AKNAD1: variants seen among roughly 807,000 people sequenced by gnomAD.
AKNAD1 encodes the protein AKNA domain containing 1.
AKNAD1 carries 67 observed loss-of-function variants against 90.8 expected under a neutral mutation model. The ratio of observed to expected loss-of-function variants is 0.74; its 90% CI spans 0.61 to 0.90. The LOEUF is 0.90. Ranked by LOEUF, AKNAD1 falls within the 40% of genes least tolerant of loss-of-function variation. The pLI, the probability that AKNAD1 is intolerant of heterozygous loss-of-function variation, is 0.00. For missense variants in AKNAD1, 957 were observed against 975.4 expected (o/e 0.98, Z 0.25); for synonymous variants, 327 against 341.4 (o/e 0.96, Z 0.46).
At chr1:108,848,861 T>C (rs572569058) in intron 4 of AKNAD1, 47 bp from the exon 5 acceptor site, 2 of 1,602,028 alleles carry the variant, frequency 1.2e-6, no homozygotes, top group Admixed American at 3.5e-5. Context: ...TGGTTTCTCA[T>C]GTGTGAATTT....
At position 108,843,178 on chromosome 1, in the gene AKNAD1, G is replaced by A. The variant is rs1206303450; in HGVS notation, c.1335C>T (p.Val445=). 1.9e-6 allele frequency: 3 copies of A among 1,614,008 alleles called. No homozygotes were observed. The highest frequency in any genetic ancestry group is 1.7e-6 in the Non-Finnish European group (2 of 1,180,024). Residue 445 remains valine (V), a synonymous_variant, in exon 6 of 16, where the codon GTC becomes GTT. Transcript: ENST00000370001. ...KDKHLTLQQQ[V]HKHESTIVGD... ...CAACGATTGTTGATTCGTGCTTGTG[G>A]ACTTGCTGCTGCAAAGTCAGATGCT...
chr1:108,826,095 C>A (rs1663988689), intron 11 of AKNAD1, among the ~76,000 whole-genome samples: 1 of 151,708 alleles, frequency 6.6e-6, no homozygotes, highest in South Asian at 2.1e-4. Flanking sequence ...ACCTGGAAAA[C>A]TCCTACTTTG....
chr1:108,829,326 T>G (rs1664109473), intron 10 of AKNAD1, among the ~76,000 whole-genome samples: 1 of 146,146 alleles, frequency 6.8e-6, no homozygotes, highest in South Asian at 2.3e-4. Context: ...TCTTGGTACT[T>G]AATGTACTTC....
chr1:108,830,359 T>G (rs970273174), intron 10 of AKNAD1, among the ~76,000 whole-genome samples, 200 bp downstream of exon 10: 1 of 152,134 alleles, frequency 6.6e-6, no homozygotes, highest in African/African-American at 2.4e-5. Flanking sequence ...CATGGTGATT[T>G]TGATGGTCTC....
At chr1:108,839,304 T>C (rs111499993) in intron 6 of AKNAD1, among the ~76,000 whole-genome samples, 7,422 of 151,966 alleles carry the variant, frequency 0.049, 540 homozygotes, top group African/African-American at 0.16. Flanking sequence ...GCTAACATGG[T>C]GAAACCCCGT....
intron 6 of AKNAD1, among the ~76,000 whole-genome samples, chr1:108,838,702 AAAT>A (rs1664451749): frequency 6.6e-6 from 1 of 152,184 alleles, no homozygotes; most frequent in South Asian, 2.1e-4. Context: ...TCTGAAAAAC[AAAT>A]AACATTAAGA....
At chr1:108,819,309 T>C (rs747766437) in intron 14 of AKNAD1, among the ~76,000 whole-genome samples, 6 of 152,050 alleles carry the variant, frequency 3.9e-5, no homozygotes, top group Non-Finnish European at 4.4e-5. Context: ...AATTTTTAAA[T>C]TCCCTGATTA....
intron 6 of AKNAD1, among the ~76,000 whole-genome samples, chr1:108,842,573 G>A (rs779695916): frequency 6.6e-6 from 1 of 152,116 alleles, no homozygotes; most frequent in Non-Finnish European, 1.5e-5. Context: ...AGGATTTGTA[G>A]GTCCCTCACC....
At chr1:108,853,397 C>T (rs1306598610) in intron 1 of AKNAD1, among the ~76,000 whole-genome samples, 37 of 151,764 alleles carry the variant, frequency 2.4e-4, no homozygotes, top group Non-Finnish European at 2.9e-5. Context: ...TCCCAAAGTG[C>T]TGGGATTACA....
intron 2 of AKNAD1, among the ~76,000 whole-genome samples, chr1:108,849,839 G>A (rs191053093): frequency 3.9e-5 from 6 of 152,286 alleles, no homozygotes; most frequent in Admixed American, 2.0e-4. Context: ...TTGTTATGAG[G>A]ATGAAATGTT....
Position 108,827,293 on chromosome 1 carries a change from G to T in AKNAD1, c.1848C>A (p.Asn616Lys), listed in dbSNP as rs7551421. The T allele has an allele frequency of 0.59, 950,020 of 1,606,254 alleles. 292,020 individuals carry two copies. The highest frequency in any genetic ancestry group is 0.64 in the African/African-American group (47,823 of 74,732). ...FCRRLLEWKQ[N>K]VEKKGHGRIN... ...TCCTTCCGTGGCCCTTTTTCTCCAC[G>T]TTTTGCTTCCTAAAAAAAGGTGCAT... Residue 616 changes from asparagine to lysine, a missense_variant, in exon 11 of 16, where the codon AAC (asparagine) becomes AAA (lysine). Asn to Lys is a moderately conservative substitution (Grantham distance 94). Transcript: ENST00000370001.
rs186677995 is a variant in AKNAD1, at chr1:108,851,012, T to C, written c.993+660A>G. ...TCCATTACTAACGATCTTAATTCCA[T>C]TGGACTTAGCATGAATAACTAAGGG... On this transcript the variant is annotated intron_variant, in intron 2 of 15. Transcript: ENST00000370001. Among the ~76,000 whole-genome samples, 11 of 152,300 alleles carry C rather than the reference T, an allele frequency of 7.2e-5. No homozygotes were observed. In the East Asian group the frequency reaches 1.3e-3, roughly 19 times the overall value.
At position 108,852,439 on chromosome 1, in the gene AKNAD1, T is replaced by C. The variant is rs1283790165; in HGVS notation, c.226A>G (p.Ile76Val). ...TTTTTGTTGGCAGCATTTTCAGTAA[T>C]TTTACCCAGGGGTATGGTCACAGCT... is the stretch of plus-strand genomic sequence containing the variant. ...NTAVTIPLGK[I>V]TENAANKKDE... is the part of the protein sequence containing the mutation. The change falls in exon 2 of 16, where the codon ATT becomes GTT. Residue 76 changes from isoleucine (I) to valine (V), a missense_variant. By Grantham distance (29) the Ile-to-Val change is conservative. Coordinates refer to ENST00000370001, the MANE Select transcript of AKNAD1 (RefSeq NM_152763.5). The C allele has an allele frequency of 4.3e-6, 7 of 1,613,754 alleles. No individual in the cohort carries two copies. Among genetic ancestry groups the C allele is most frequent in the Non-Finnish European group, 5.9e-6 (7 of 1,179,892 alleles).
chr1:108,857,920 A>G (rs2101232231), upstream of AKNAD1: 1 of 152,440 alleles, frequency 6.6e-6, no homozygotes, highest in South Asian at 2.1e-4. Context: ...AATAGTGTAC[A>G]TCTAAAAGCT....
intron 3 of AKNAD1, 97 bp downstream of exon 3, chr1:108,849,440 C>T (rs1664788547): frequency 1.3e-6 from 1 of 786,656 alleles, no homozygotes; most frequent in Non-Finnish European, 2.2e-6. Context: ...GATTGTGCTG[C>T]TGCACTCCAG....
At chr1:108,841,170 C>G (rs979662775) in intron 6 of AKNAD1, among the ~76,000 whole-genome samples, 6 of 151,728 alleles carry the variant, frequency 4.0e-5, no homozygotes, top group Admixed American at 1.3e-4. Flanking sequence ...AAGACTCCAT[C>G]TCAAATAATA....
At chr1:108,834,881 C>T in intron 8 of AKNAD1, 48 bp downstream of exon 8, 1 of 1,497,328 alleles carries the variant, frequency 6.7e-7, no homozygotes, top group South Asian at 1.4e-5. Context: ...GAGGAAGGGG[C>T]CTCTTTCTGT....
At chr1:108,850,596 AAG>A (rs1664823729) in intron 2 of AKNAD1, among the ~76,000 whole-genome samples, 1 of 151,956 alleles carries the variant, frequency 6.6e-6, no homozygotes, top group South Asian at 2.1e-4. Context: ...ATTCAGTTGA[AAG>A]AGAGGGGAGC....
intron 6 of AKNAD1, among the ~76,000 whole-genome samples, chr1:108,842,798 A>G (rs147396233): frequency 6.5e-4 from 99 of 152,218 alleles, no homozygotes; most frequent in Admixed American, 2.4e-3. Flanking sequence ...TTATCATGTG[A>G]GCCTTTCTAG....
Sources: allele counts gnomAD v4.1 joint callset (sites outside exome capture counted in the v4.1 genomes callset), GRCh38; gene constraint gnomAD v4.1.1; transcripts MANE v1.5; gene names NCBI Gene and HGNC (gene_info 2026-07-23, HGNC 2026-07-21).